Variants in GOLGA6A observed in about 807,000 individuals in gnomAD.
GOLGA6A encodes the protein golgin A6 family member A.
A neutral mutation model predicts 53.6 loss-of-function variants in GOLGA6A; 1 was observed. The observed-to-expected ratio is 0.02, with a 90% CI of 0.01 to 0.09. The LOEUF is 0.09. GOLGA6A is among the 10% of genes least tolerant of loss of function. The pLI is 1.00. For missense variants in GOLGA6A, 23 were observed against 509.4 expected (o/e 0.05, Z 9.19); for synonymous variants, 6 against 201.8 (o/e 0.03, Z 8.22).
rs1325895054 is a variant in GOLGA6A at position 74,075,793 on chromosome 15, G to A, written c.652-3C>T. ...ACTTGTTTTAGTGACTCTGTCACCT[G>A]CAAGAAATGGGCACAGAAGTTAGGA... On this transcript the variant is annotated splice_region_variant and splice_polypyrimidine_tract_variant and intron_variant, in intron 8 of 17. Coordinates refer to ENST00000290438, the MANE Select transcript of GOLGA6A (RefSeq NM_001038640.2). 2.2e-6 allele frequency: 3 copies of A among 1,367,924 alleles called. 1 individual carries two copies. Among genetic ancestry groups the A allele is most frequent in the Non-Finnish European group, 3.0e-6 (3 of 990,030 alleles). The allele number at this position is 1,367,924 out of a possible 1,614,324, so 84.7% of individuals were successfully genotyped here.
intron 7 of GOLGA6A, among the ~76,000 whole-genome samples, chr15:74,076,342 C>T (rs2071978725): frequency 7.6e-6 from 1 of 131,492 alleles, no homozygotes; most frequent in African/African-American, 3.0e-5. Flanking sequence ...AGATGAAAAA[C>T]ATCGAGTGTT....
intron 9 of GOLGA6A, 37 bp from the exon 10 acceptor site, chr15:74,075,527 G>C: frequency 2.4e-6 from 1 of 416,766 alleles, no homozygotes; most frequent in East Asian, 4.1e-5. Flanking sequence ...CTGGAGAGAG[G>C]GGCTGGTGGC....
At chr15:74,073,330 T>G (rs1487897137) in intron 12 of GOLGA6A, among the ~76,000 whole-genome samples, 2 of 150,988 alleles carry the variant, frequency 1.3e-5, no homozygotes, top group Admixed American at 6.5e-5. Flanking sequence ...CTTCCCACCA[T>G]TTAAACTGTA....
chr15:74,071,768 TC>T (rs1167273467), intron 14 of GOLGA6A, 112 bp from the exon 15 acceptor site: 1 of 616,456 alleles, frequency 1.6e-6, no homozygotes, highest in African/African-American at 1.8e-5. Context: ...ATGGCCTCCT[TC>T]AGGGCCCGGT....
intron 2 of GOLGA6A, among the ~76,000 whole-genome samples, chr15:74,080,000 ACTCCTG>A (rs2071993658): frequency 3.4e-5 from 3 of 88,886 alleles, no homozygotes; most frequent in Non-Finnish European, 6.8e-5. Flanking sequence ...AAAAAAACAG[ACTCCTG>A]AGTAAGAGTT....
At position 74,074,786 on chromosome 15, in the gene GOLGA6A, G is replaced by GAAGCCTCTCGTTTTGTT; in HGVS notation, c.1062_1063insAACAAAACGAGAGGCTT (p.Arg355AsnfsTer104). On this transcript the variant is annotated frameshift_variant, in exon 11 of 18. Transcript: ENST00000290438. LOFTEE classifies it high-confidence loss of function. ...TGTTCACACAGTCTCTCCTGCTCCC[G>GAAGCCTCTCGTTTTGTT]CACTCTCTGCGCCTCCTGCTCTCGG... 8.9e-7 allele frequency: 1 copy of GAAGCCTCTCGTTTTGTT among 1,117,940 alleles called. No individual in the cohort carries two copies. The highest frequency in any genetic ancestry group is 1.2e-6 in the Non-Finnish European group (1 of 810,372). 69.3% of individuals were successfully genotyped at this position (1,117,940 alleles called of 1,614,324 possible).
rs746214220 is a variant in GOLGA6A at position 74,071,674 on chromosome 15, G to GCA, written c.1594-19_1594-18insTG. On this transcript the variant is annotated intron_variant, in intron 14 of 17. Transcript: ENST00000290438. ...AAGCTGCTCTGGAGCCAAAATAATG[G>GCA]GGTCACATCTCGGGAGTGACCTGTT... The GCA allele has an allele frequency of 5.5e-4, 373 of 684,360 alleles. No homozygotes were observed. Among genetic ancestry groups the GCA allele is most frequent in the Admixed American group, 8.8e-4 (41 of 46,802 alleles). The allele number at this position is 684,360 out of a possible 1,614,324, so 42.4% of individuals were successfully genotyped here. A position where few individuals can be genotyped will look rare whatever the true frequency, so the allele number is the denominator to read the frequency against.
At chr15:74,072,927 GC>G in intron 12 of GOLGA6A, 110 bp from the exon 13 acceptor site, 1 of 1,409,922 alleles carries the variant, frequency 7.1e-7, no homozygotes, top group Non-Finnish European at 9.8e-7. Flanking sequence ...CTTTTGTCCG[GC>G]CATCTCAGCC....
intron 16 of GOLGA6A, 34 bp downstream of exon 16, chr15:74,071,333 A>AC: frequency 1.8e-6 from 2 of 1,130,938 alleles, no homozygotes; most frequent in Admixed American, 1.9e-5. Flanking sequence ...GCCCATGCCC[A>AC]CCCCCAACCC....
chr15:74,079,259 T>C (rs1351968094), intron 2 of GOLGA6A, among the ~76,000 whole-genome samples: 6 of 5,146 alleles, frequency 1.2e-3, no homozygotes, highest in Non-Finnish European at 1.2e-3. Flanking sequence ...AGAGTGAGAC[T>C]CTGTCTCAAA....
intron 14 of GOLGA6A, among the ~76,000 whole-genome samples, chr15:74,071,935 C>T (rs570100470): frequency 9.2e-5 from 14 of 151,948 alleles, no homozygotes; most frequent in Non-Finnish European, 1.5e-4. Context: ...CTCCTGGGAA[C>T]TGGCTCCAGC....
At chr15:74,076,227 CTGTT>C (rs2071978007) in intron 7 of GOLGA6A, among the ~76,000 whole-genome samples, 1 of 146,640 alleles carries the variant, frequency 6.8e-6, no homozygotes, top group African/African-American at 2.6e-5. Context: ...ATTACTACCA[CTGTT>C]TGAACCGTTA....
rs773928278 is a variant in GOLGA6A at position 74,075,953 on chromosome 15, C to A, written c.597G>T (p.Arg199=). 5 of 1,596,174 alleles carry A rather than the reference C, an allele frequency of 3.1e-6. 1 individual carries two copies. Among genetic ancestry groups the A allele is most frequent in the Non-Finnish European group, 2.6e-6 (3 of 1,172,030 alleles). ...SSSCREAVLQ[R]WLQQTIKERA... is the part of the protein sequence containing the mutation. ...GCTCCTTTATGGTCTGCTGTAACCA[C>A]CGCTGGAGGACCGCTTCTCTGCAGC... is the stretch of plus-strand genomic sequence containing the variant. The change falls in exon 8 of 18, where the codon CGG becomes CGT. Residue 199 remains arginine, a synonymous_variant. Transcript: ENST00000290438.
rs1458597279 is a variant in GOLGA6A, at chr15:74,080,661, AC to A, written c.158del (p.Ser53IlefsTer22). On this transcript the variant is annotated frameshift_variant, in exon 2 of 18. Transcript: ENST00000290438. LOFTEE classifies it high-confidence loss of function. ...GAKTKKKKTD[S>X]SPETTTSGGC... ...CACCGGAAGTGGTTGTCTCAGGGCT[AC>A]TGTCAGTTTTTTTCTTTTTTGTCTT... The A allele has an allele frequency of 1.2e-6, 2 of 1,614,054 alleles. No homozygotes were observed. The highest frequency in any genetic ancestry group is 2.7e-5 in the African/African-American group (2 of 74,958).
At chr15:74,076,171 C>T (rs1341126653) in intron 7 of GOLGA6A, among the ~76,000 whole-genome samples, 186 bp from the exon 8 acceptor site, 2 of 148,040 alleles carry the variant, frequency 1.4e-5, no homozygotes, top group Non-Finnish European at 3.0e-5. Context: ...AGCTGGCTAA[C>T]AGAGGCCCAG....
At chr15:74,076,893 AG>A (rs2071982950) in intron 7 of GOLGA6A, 124 bp downstream of exon 7, 1 of 80,410 alleles carries the variant, frequency 1.2e-5, no homozygotes, top group Non-Finnish European at 2.2e-5. Flanking sequence ...CATACACAAA[AG>A]TAGTGAGAAA....
chr15:74,075,923 C>G lies in GOLGA6A; in HGVS notation c.627G>C (p.Ala209=). The G allele has an allele frequency of 6.3e-7, 1 of 1,595,570 alleles. No homozygotes were observed. The highest frequency in any genetic ancestry group is 8.5e-7 in the Non-Finnish European group (1 of 1,172,562). The part of the protein sequence containing the change: ...RWLQQTIKER[A]LLNAHVTQVT... ...CCTGTGTCACGTGTGCGTTCAGCAG[C>G]GCCCGCTCCTTTATGGTCTGCTGTA... The change falls in exon 8 of 18, where the codon GCG becomes GCC. Residue 209 remains alanine (A), a synonymous_variant. Transcript: ENST00000290438.
chr15:74,072,135 G>A, intron 14 of GOLGA6A, 83 bp downstream of exon 14: 1 of 1,277,380 alleles, frequency 7.8e-7, no homozygotes, highest in South Asian at 1.3e-5. Flanking sequence ...GCAATCAGAA[G>A]GTGGGAAAAC....
chr15:74,076,165 G>T (rs1460572681), intron 7 of GOLGA6A, among the ~76,000 whole-genome samples, 180 bp from the exon 8 acceptor site: 2 of 148,942 alleles, frequency 1.3e-5, no homozygotes, highest in Non-Finnish European at 3.0e-5. Context: ...ATTTACAGCT[G>T]GCTAACAGAG....
Sources: allele counts gnomAD v4.1 joint callset (sites outside exome capture counted in the v4.1 genomes callset), GRCh38; gene constraint gnomAD v4.1.1; transcripts MANE v1.5; gene names NCBI Gene and HGNC (gene_info 2026-07-23, HGNC 2026-07-21).